The following KIAA1549L variants were observed in gnomAD, a reference collection of about 807,000 sequenced individuals.
The protein encoded by KIAA1549L is KIAA1549 like.
A neutral mutation model predicts 160.7 loss-of-function variants in KIAA1549L; 88 were observed. That is an observed-to-expected ratio of 0.55 (90% CI 0.46 to 0.65). KIAA1549L has a LOEUF of 0.65. KIAA1549L is among the 30% of genes least tolerant of loss of function. KIAA1549L has a pLI of 0.00. For synonymous variants in KIAA1549L, 950 were observed against 976.7 expected (o/e 0.97, Z 0.51); for missense variants, 2,258 against 2,437.5 (o/e 0.93, Z 1.55).
At chr11:33,642,822 T>C (rs996398866) in intron 16 of KIAA1549L, among the ~76,000 whole-genome samples, 2 of 152,210 alleles carry the variant, frequency 1.3e-5, no homozygotes, top group Non-Finnish European at 2.9e-5. Context: ...ACTGATTCTT[T>C]GAAAAGAAAT....
chr11:33,533,387 GT>G (rs1160612190), intron 1 of KIAA1549L, among the ~76,000 whole-genome samples: 1 of 152,156 alleles, frequency 6.6e-6, no homozygotes, highest in African/African-American at 2.4e-5. Flanking sequence ...TCAATAACAG[GT>G]TCTGTGTGTC....
At position 33,430,009 on chromosome 11, in the gene KIAA1549L, C is replaced by CCCTTCCTTCCTTCCTTCCTT. The variant is rs762169127; in HGVS notation, c.238+53140_238+53159dup. On this transcript the variant is annotated intron_variant, in intron 1 of 20. Transcript: ENST00000658780. ...TCATGTGGCAGCTCTGCTCTGCCCT[C>CCCTTCCTTCCTTCCTTCCTT]CCTTCCTTCCTTCCTTCCTTCCTTC... 1.6e-3 allele frequency among the ~76,000 whole-genome samples: 145 copies of CCCTTCCTTCCTTCCTTCCTT among 93,386 alleles called. 4 individuals are homozygous for CCCTTCCTTCCTTCCTTCCTT. The highest frequency in any genetic ancestry group is 5.9e-3 in the African/African-American group (127 of 21,668). 61.3% of individuals were successfully genotyped at this position (93,386 alleles called of 152,430 possible).
At chr11:33,541,662 T>C (rs187986169) in intron 1 of KIAA1549L, 140 bp from the exon 2 acceptor site, 1 of 154,700 alleles carries the variant, frequency 6.5e-6, no homozygotes, top group Non-Finnish European at 1.4e-5. Context: ...ATGTAATTTG[T>C]TGTTTGACTC....
chr11:33,614,531 G>GCCAT lies in KIAA1549L; in HGVS notation c.5280-4002_5280-4001insCCAT, dbSNP rs879500574. Among the ~76,000 whole-genome samples the GCCAT allele has an allele frequency of 2.7e-3, 73 of 27,112 alleles. 1 individual carries two copies. The highest frequency in any genetic ancestry group is 4.7e-3 in the Admixed American group (7 of 1,500). 17.8% of individuals were successfully genotyped at this position (27,112 alleles called of 152,430 possible). On this transcript the variant is annotated intron_variant, in intron 15 of 20. Transcript: ENST00000658780. Reference sequence around the variant, plus strand: ...CTCTTGGGATCTGTGAGTGTAACAAGATATATATATATATATATATATATA... The same window carrying GCCAT: ...CTCTTGGGATCTGTGAGTGTAACAAGCCATATATATATATATATATATATATATA...
chr11:33,636,016 C>CCATCCCACTCCATCCCACCCAGGA (rs1249879437), intron 16 of KIAA1549L, among the ~76,000 whole-genome samples: 5 of 152,188 alleles, frequency 3.3e-5, no homozygotes, highest in Non-Finnish European at 7.3e-5. Flanking sequence ...AAGTCTGACG[C>CCATCCCACTCCATCCCACCCAGGA]CATCCCACTC....
At chr11:33,613,552 G>A (rs1350883335) in intron 15 of KIAA1549L, among the ~76,000 whole-genome samples, 1 of 152,130 alleles carries the variant, frequency 6.6e-6, no homozygotes, top group Non-Finnish European at 1.5e-5. Context: ...AAAGAGATCT[G>A]GGGCAGGGAG....
intron 1 of KIAA1549L, among the ~76,000 whole-genome samples, chr11:33,383,980 G>A (rs776941011): frequency 2.6e-5 from 4 of 152,102 alleles, no homozygotes; most frequent in Non-Finnish European, 5.9e-5. Context: ...GTTTATTAAG[G>A]TGTAATTTAC....
intron 16 of KIAA1549L, among the ~76,000 whole-genome samples, chr11:33,633,759 TAC>T (rs1851366025): frequency 6.6e-6 from 1 of 152,218 alleles, no homozygotes; most frequent in African/African-American, 2.4e-5. Context: ...TCACAGGTAG[TAC>T]AGTGTAGGGG....
At chr11:33,435,794 A>G (rs2761196) in intron 1 of KIAA1549L, among the ~76,000 whole-genome samples, 19,181 of 32,278 alleles carry the variant, frequency 0.59, 4,669 homozygotes, top group East Asian at 0.71. Flanking sequence ...ATATATATAT[A>G]TATATATATA....
In KIAA1549L at chr11:33,568,151, C is replaced by G; in HGVS notation, c.4154C>G (p.Ala1385Gly). ...GCCCGGGTCATGGAGCAGCGCCTGG[C>G]CCAGCTATTCATGATGTCCCAGCAA... ...SFARVMEQRL[A>G]QLFMMSQQQG... The change falls in exon 9 of 21, where the codon GCC (alanine) becomes GGC (glycine). Residue 1385 changes from alanine to glycine, a missense_variant. Physicochemically the swap from Ala to Gly is moderately conservative, Grantham distance 60. Coordinates refer to ENST00000658780, the MANE Select transcript of KIAA1549L (RefSeq NM_012194.3). 3 of 1,613,328 alleles carry G rather than the reference C, an allele frequency of 1.9e-6. No individual in the cohort carries two copies. The highest frequency in any genetic ancestry group is 2.5e-6 in the Non-Finnish European group (3 of 1,179,662).
At chr11:33,435,786 A>ATGTGTGTGTGTGTGTGTGTGTG (rs1287703565) in intron 1 of KIAA1549L, among the ~76,000 whole-genome samples, 2 of 18,956 alleles carry the variant, frequency 1.1e-4, no homozygotes, top group South Asian at 1.9e-3. Flanking sequence ...ATATATATAT[A>ATGTGTGTGTGTGTGTGTGTGTG]TATATATATA....
intron 1 of KIAA1549L, among the ~76,000 whole-genome samples, chr11:33,499,805 C>A (rs1852903884): frequency 6.6e-6 from 1 of 152,190 alleles, no homozygotes; most frequent in African/African-American, 2.4e-5. Flanking sequence ...GGAGCACTTA[C>A]TATGTGACAG....
chr11:33,417,270 T>A (rs978857092), intron 1 of KIAA1549L, among the ~76,000 whole-genome samples: 2 of 152,176 alleles, frequency 1.3e-5, no homozygotes, highest in African/African-American at 4.8e-5. Flanking sequence ...GAAGCAGATT[T>A]TATGTGGCAC....
chr11:33,579,749 A>C (rs539847620), intron 10 of KIAA1549L, among the ~76,000 whole-genome samples: 1 of 152,278 alleles, frequency 6.6e-6, no homozygotes, highest in African/African-American at 2.4e-5. Flanking sequence ...CCTGGGGAAA[A>C]TATGAGTGCC....
chr11:33,513,056 T>TA (rs766250079), intron 1 of KIAA1549L, among the ~76,000 whole-genome samples: 17 of 152,118 alleles, frequency 1.1e-4, no homozygotes, highest in Non-Finnish European at 2.5e-4. Flanking sequence ...AACCTCAAGA[T>TA]ACAGGGACAG....
At position 33,543,738 on chromosome 11, in the gene KIAA1549L, T is replaced by C; in HGVS notation, c.2175T>C (p.Asn725=). The change falls in exon 2 of 21, where the codon AAT becomes AAC. Residue 725 remains asparagine (N), a synonymous_variant. Coordinates refer to ENST00000658780, the MANE Select transcript of KIAA1549L (RefSeq NM_012194.3). ...AGCAGCAAACAAATTATGATTTAAA[T>C]GGACACACAATTAGCACCACAAGTT... The part of the protein sequence containing the change: ...GLQQQTNYDL[N]GHTISTTSWE... 1 of 1,614,052 alleles carries C rather than the reference T, an allele frequency of 6.2e-7. No homozygotes were observed. The highest frequency in any genetic ancestry group is 8.5e-7 in the Non-Finnish European group (1 of 1,179,898).
chr11:33,568,817 C>T (rs958383221), intron 9 of KIAA1549L, among the ~76,000 whole-genome samples: 4 of 152,216 alleles, frequency 2.6e-5, no homozygotes, highest in African/African-American at 9.6e-5. Flanking sequence ...TTCCAACAGC[C>T]AGCCTCTGAA....
At chr11:33,523,095 T>G (rs1462057176) in intron 1 of KIAA1549L, among the ~76,000 whole-genome samples, 1 of 152,204 alleles carries the variant, frequency 6.6e-6, no homozygotes, top group Non-Finnish European at 1.5e-5. Context: ...TGTTTTCTGA[T>G]TCTACAATGG....
chr11:33,464,006 G>A (rs1269963911), intron 1 of KIAA1549L, among the ~76,000 whole-genome samples: 2 of 152,156 alleles, frequency 1.3e-5, no homozygotes, highest in Non-Finnish European at 2.9e-5. Flanking sequence ...TGCTTACCCT[G>A]TATGCCAGAC....
Sources: allele counts gnomAD v4.1 joint callset (sites outside exome capture counted in the v4.1 genomes callset), GRCh38; gene constraint gnomAD v4.1.1; transcripts MANE v1.5; gene names NCBI Gene and HGNC (gene_info 2026-07-23, HGNC 2026-07-21).